SAMD5: variants seen among roughly 807,000 people sequenced by gnomAD.
SAMD5 encodes the protein sterile alpha motif domain containing 5.
A neutral mutation model predicts 11.3 loss-of-function variants in SAMD5; 13 were observed. That is an observed-to-expected ratio of 1.15 (90% confidence interval 0.75 to 1.83). The LOEUF is 1.83. Among genes scored for constraint, SAMD5 ranks in the 40% most tolerant of loss-of-function variants. SAMD5 has a pLI of 0.00. For missense variants in SAMD5, 255 were observed against 239.1 expected (o/e 1.07, Z -0.44); for synonymous variants, 129 against 111.3 (o/e 1.16, Z -1.00).
chr6:147,596,715 CT>C (rs1006738972), intron 1 of SAMD5, among the ~76,000 whole-genome samples: 2 of 152,148 alleles, frequency 1.3e-5, no homozygotes, highest in Admixed American at 1.3e-4. Context: ...AACAATATTT[CT>C]TTTACAGTTA....
chr6:147,673,604 T>G (rs1790825701), intron 1 of SAMD5, among the ~76,000 whole-genome samples: 3 of 129,726 alleles, frequency 2.3e-5, no homozygotes, highest in Admixed American at 1.4e-4. Flanking sequence ...TGGTATCAGG[T>G]TTTTTTTTCC....
chr6:147,528,395 G>A (rs1461334580), intron 1 of SAMD5, among the ~76,000 whole-genome samples: 1 of 152,132 alleles, frequency 6.6e-6, no homozygotes, highest in Non-Finnish European at 1.5e-5. Flanking sequence ...TTCTTACTGT[G>A]TCCTCACGTG....
chr6:147,617,313 C>T (rs6932551), intron 1 of SAMD5, among the ~76,000 whole-genome samples: 1 of 152,022 alleles, frequency 6.6e-6, no homozygotes, highest in Non-Finnish European at 1.5e-5. Flanking sequence ...AAATAAGGAC[C>T]TCTTATGGTG....
the SAMD5 span, among the ~76,000 whole-genome samples, chr6:147,950,586 G>A: frequency 6.6e-6 from 1 of 152,182 alleles, no homozygotes; most frequent in East Asian, 1.9e-4. Flanking sequence ...TTCATGCTGG[G>A]AAGTTCACAG....
the SAMD5 span, among the ~76,000 whole-genome samples, chr6:147,811,541 T>G: frequency 6.6e-6 from 1 of 152,008 alleles, no homozygotes; most frequent in Non-Finnish European, 1.5e-5. Context: ...AGGATGGATT[T>G]GATTGGAGGA....
chr6:147,896,755 A>AAAAAAAAACAAAAACAAACAAAC, the SAMD5 span, among the ~76,000 whole-genome samples: 1 of 142,424 alleles, frequency 7.0e-6, no homozygotes, highest in Admixed American at 7.1e-5. Flanking sequence ...AAAAAAAAAA[A>AAAAAAAAACAAAAACAAACAAAC]AAAAAAAACG....
intron 1 of SAMD5, among the ~76,000 whole-genome samples, chr6:147,644,618 T>TA (rs958786817): frequency 6.6e-6 from 1 of 152,280 alleles, no homozygotes; most frequent in African/African-American, 2.4e-5. Context: ...TAGAACTTGA[T>TA]AAAAAAAGTT....
At chr6:147,940,211 T>C in the SAMD5 span, among the ~76,000 whole-genome samples, 1 of 151,948 alleles carries the variant, frequency 6.6e-6, no homozygotes, top group South Asian at 2.1e-4. Flanking sequence ...CATTTTTTTT[T>C]TTTTTTTTTG....
At chr6:147,928,504 G>T in the SAMD5 span, among the ~76,000 whole-genome samples, 11 of 152,142 alleles carry the variant, frequency 7.2e-5, no homozygotes, top group Non-Finnish European at 1.3e-4. Flanking sequence ...TGTGGCATCC[G>T]TGGTAACATC....
chr6:147,833,861 C>T, the SAMD5 span, among the ~76,000 whole-genome samples: 1 of 152,138 alleles, frequency 6.6e-6, no homozygotes, highest in Non-Finnish European at 1.5e-5. Flanking sequence ...GTTTTTGTGA[C>T]CTTTCCAGTC....
intron 1 of SAMD5, among the ~76,000 whole-genome samples, chr6:147,680,970 A>AT (rs1166736924): frequency 6.6e-6 from 1 of 152,016 alleles, no homozygotes; most frequent in Non-Finnish European, 1.5e-5. Flanking sequence ...TCCTGTAGTC[A>AT]TTTTTTATGG....
At chr6:147,780,820 TTGA>T in the SAMD5 span, among the ~76,000 whole-genome samples, 1 of 152,244 alleles carries the variant, frequency 6.6e-6, no homozygotes, top group Non-Finnish European at 1.5e-5. Context: ...TTTTTAAAAC[TTGA>T]TGACCTGTTT....
At chr6:147,907,815 A>G in the SAMD5 span, among the ~76,000 whole-genome samples, 1 of 152,172 alleles carries the variant, frequency 6.6e-6, no homozygotes, top group African/African-American at 2.4e-5. Flanking sequence ...TTCATTTTTC[A>G]GTTGTGCTAT....
intron 1 of SAMD5, among the ~76,000 whole-genome samples, chr6:147,539,564 G>A (rs1233496554): frequency 6.6e-6 from 1 of 151,984 alleles, no homozygotes; most frequent in Non-Finnish European, 1.5e-5. Context: ...TTAATTCCTG[G>A]GGTTTCATGA....
intron 1 of SAMD5, among the ~76,000 whole-genome samples, chr6:147,628,637 C>T (rs764799938): frequency 5.9e-5 from 9 of 151,858 alleles, no homozygotes; most frequent in African/African-American, 1.9e-4. Context: ...TTCAACAATC[C>T]GTTGAACAGA....
chr6:147,725,093 C>G (rs970532034), intron 1 of SAMD5, among the ~76,000 whole-genome samples: 11 of 152,102 alleles, frequency 7.2e-5, no homozygotes, highest in African/African-American at 2.7e-4. Context: ...AAATGATTTC[C>G]AAGTTTTTAT....
intron 1 of SAMD5, among the ~76,000 whole-genome samples, chr6:147,511,332 G>C (rs1788085118): frequency 6.6e-6 from 1 of 152,240 alleles, no homozygotes; most frequent in Admixed American, 6.5e-5. Context: ...TCAGCACATA[G>C]GCTTTGAACT....
chr6:147,812,003 G>C, the SAMD5 span, among the ~76,000 whole-genome samples: 48 of 152,042 alleles, frequency 3.2e-4, no homozygotes, highest in Non-Finnish European at 6.3e-4. Context: ...GAGGGGAGTA[G>C]ATCAACGAGC....
At chr6:147,697,846 GT>G (rs1043547881) in intron 1 of SAMD5, among the ~76,000 whole-genome samples, 3 of 152,094 alleles carry the variant, frequency 2.0e-5, no homozygotes, top group African/African-American at 7.2e-5. Context: ...CAAATGTAAG[GT>G]TCATAAGACC....
Sources: gnomAD v4.1 joint callset for allele counts (sites outside exome capture counted in the v4.1 genomes callset) on GRCh38, gnomAD v4.1.1 for gene constraint, MANE v1.5 for transcripts, NCBI Gene and HGNC (gene_info 2026-07-23, HGNC 2026-07-21) for gene names.